Variants in GPC6 observed in about 807,000 individuals in gnomAD.
GPC6 encodes glypican 6, also known as glypican-6.
Under a neutral mutation model 55.2 loss-of-function variants are expected in GPC6, and 14 were observed. The ratio of observed to expected loss-of-function variants is 0.25; its 90% CI spans 0.17 to 0.40. The LOEUF is 0.40. Ranked by LOEUF, GPC6 falls within the 10% of genes least tolerant of loss-of-function variation. The probability of loss-of-function intolerance (pLI) is 1.00; values close to 1 mark genes in which losing one functional copy is unlikely to be tolerated. For synonymous variants in GPC6, 278 were observed against 259.6 expected, an observed-to-expected ratio of 1.07 and a Z score of -0.68; for missense variants, 641 against 708.5, an observed-to-expected ratio of 0.90 and a Z score of 1.08.
chr13:93,603,679 A>C (rs541055239), intron 2 of GPC6, among the ~76,000 whole-genome samples: 1 of 152,334 alleles, frequency 6.6e-6, no homozygotes, highest in African/African-American at 2.4e-5. Flanking sequence ...TTATCCCATT[A>C]ATTTCATGAC....
At chr13:93,670,425 C>T (rs1881313900) in intron 2 of GPC6, among the ~76,000 whole-genome samples, 1 of 152,060 alleles carries the variant, frequency 6.6e-6, no homozygotes, top group Non-Finnish European at 1.5e-5. Flanking sequence ...CACTAAATGG[C>T]TTTAAAATTT....
At chr13:93,837,457 T>C (rs1265062172) in intron 3 of GPC6, among the ~76,000 whole-genome samples, 1 of 152,220 alleles carries the variant, frequency 6.6e-6, no homozygotes, top group Non-Finnish European at 1.5e-5. Context: ...CCAACCTTCA[T>C]CTGACCCAAA....
chr13:94,085,876 G>C (rs901574278), intron 4 of GPC6, among the ~76,000 whole-genome samples: 1 of 152,116 alleles, frequency 6.6e-6, no homozygotes, highest in Admixed American at 6.5e-5. Flanking sequence ...TATACACTGA[G>C]TTTTCATTAG....
chr13:93,562,029 C>T (rs191334120), intron 2 of GPC6, among the ~76,000 whole-genome samples: 3 of 152,132 alleles, frequency 2.0e-5, no homozygotes, highest in African/African-American at 4.8e-5. Flanking sequence ...TTTGCTACAG[C>T]GTGTTTCTGA....
At chr13:93,311,975 C>T (rs1216701317) in intron 1 of GPC6, among the ~76,000 whole-genome samples, 1 of 152,106 alleles carries the variant, frequency 6.6e-6, no homozygotes, top group Non-Finnish European at 1.5e-5. Context: ...AGAGAAAATG[C>T]ACACCTTAAC....
chr13:94,092,252 C>T (rs1006442715), intron 4 of GPC6, among the ~76,000 whole-genome samples: 3 of 151,960 alleles, frequency 2.0e-5, no homozygotes, highest in Admixed American at 6.6e-5. Context: ...ATTCATCTAG[C>T]ATAACTGAAA....
intron 3 of GPC6, among the ~76,000 whole-genome samples, chr13:93,850,153 G>A (rs1397452251): frequency 6.6e-6 from 1 of 152,000 alleles, no homozygotes; most frequent in African/African-American, 2.4e-5. Flanking sequence ...CAATCAGTAG[G>A]TTTGGCCAGG....
intron 7 of GPC6, among the ~76,000 whole-genome samples, chr13:94,394,555 C>T (rs1313695851): frequency 6.6e-6 from 1 of 152,030 alleles, no homozygotes; most frequent in Non-Finnish European, 1.5e-5. Flanking sequence ...TGTAAAGAAA[C>T]CAAATGTGAG....
intron 1 of GPC6, among the ~76,000 whole-genome samples, chr13:93,526,292 G>A (rs1881643716): frequency 6.6e-6 from 1 of 151,936 alleles, no homozygotes; most frequent in South Asian, 2.1e-4. Context: ...CAGTTACGTG[G>A]GACATGTAAA....
At chr13:93,438,347 G>T (rs79501146) in intron 1 of GPC6, among the ~76,000 whole-genome samples, 59 of 152,240 alleles carry the variant, frequency 3.9e-4, no homozygotes, top group African/African-American at 1.4e-3. Flanking sequence ...TTTCTATGAG[G>T]CATCTGGGCA....
chr13:93,919,113 C>T (rs990792146), intron 3 of GPC6, among the ~76,000 whole-genome samples: 48 of 152,200 alleles, frequency 3.2e-4, no homozygotes, highest in African/African-American at 1.1e-3. Context: ...GTCAGTACCT[C>T]CTCCCTCTCT....
At chr13:93,652,834 CTA>C (rs1880476701) in intron 2 of GPC6, among the ~76,000 whole-genome samples, 1 of 152,154 alleles carries the variant, frequency 6.6e-6, no homozygotes, top group African/African-American at 2.4e-5. Context: ...TACATTTTGT[CTA>C]TGTGTTAGAA....
At chr13:94,088,966 C>G (rs1885385655) in intron 4 of GPC6, among the ~76,000 whole-genome samples, 1 of 152,068 alleles carries the variant, frequency 6.6e-6, no homozygotes, top group Admixed American at 6.6e-5. Context: ...GATTATCGGG[C>G]ATATTCGTTC....
intron 1 of GPC6, among the ~76,000 whole-genome samples, chr13:93,334,407 A>G (rs1021828895): frequency 4.6e-5 from 7 of 152,162 alleles, no homozygotes; most frequent in Non-Finnish European, 7.3e-5. Context: ...TTAGGATTAT[A>G]TTGAATCTAT....
chr13:94,241,763 A>C (rs1038597290), intron 4 of GPC6, among the ~76,000 whole-genome samples: 3 of 152,118 alleles, frequency 2.0e-5, no homozygotes, highest in African/African-American at 7.2e-5. Context: ...ATCCCTTCTC[A>C]GTGTAAGACA....
At chr13:93,981,278 T>G (rs567541091) in intron 3 of GPC6, among the ~76,000 whole-genome samples, 1 of 152,124 alleles carries the variant, frequency 6.6e-6, no homozygotes, top group South Asian at 2.1e-4. Context: ...TAAAAGTTTT[T>G]TCGCAAGAAC....
chr13:93,590,413 C>G (rs879634235), intron 2 of GPC6, among the ~76,000 whole-genome samples: 13 of 151,948 alleles, frequency 8.6e-5, no homozygotes, highest in Admixed American at 3.9e-4. Context: ...GCTACAAAAT[C>G]TTATATTTTA....
chr13:93,427,064 C>T (rs1183072370), intron 1 of GPC6, among the ~76,000 whole-genome samples: 35 of 149,372 alleles, frequency 2.3e-4, no homozygotes, highest in East Asian at 1.2e-3. Context: ...TCATGTCCTT[C>T]GCCCACTTTT....
chr13:93,235,815 G>A (rs994846537), intron 1 of GPC6, among the ~76,000 whole-genome samples: 1 of 147,424 alleles, frequency 6.8e-6, no homozygotes, highest in Admixed American at 6.9e-5. Flanking sequence ...AGGGCAAGCC[G>A]TTATTTCACA....
Sources: allele counts gnomAD v4.1 joint callset (sites outside exome capture counted in the v4.1 genomes callset), GRCh38; gene constraint gnomAD v4.1.1; transcripts MANE v1.5; gene names NCBI Gene and HGNC (gene_info 2026-07-23, HGNC 2026-07-21).